The following BAALC variants were observed in gnomAD, a reference collection of about 807,000 sequenced individuals.
BAALC encodes BAALC binder of MAP3K1 and KLF4, also known as brain and acute leukemia cytoplasmic protein.
Under a neutral mutation model 15.5 loss-of-function variants are expected in BAALC, and 9 were observed. The ratio of observed to expected loss-of-function variants is 0.58; its 90% CI spans 0.35 to 1.02. The LOEUF (loss-of-function observed/expected upper bound fraction) is 1.02. Among genes scored for constraint, BAALC ranks in the 50% least tolerant of loss-of-function variants. BAALC has a pLI of 0.02. For synonymous variants in BAALC, 80 were observed against 74.6 expected, an observed-to-expected ratio of 1.07 and a Z score of -0.37; for missense variants, 201 against 192.4, an observed-to-expected ratio of 1.04 and a Z score of -0.27.
intron 1 of BAALC, among the ~76,000 whole-genome samples, chr8:103,197,167 A>G (rs1489003302): frequency 6.6e-6 from 1 of 152,252 alleles, no homozygotes; most frequent in Non-Finnish European, 1.5e-5. Flanking sequence ...CTGAAAAGGG[A>G]AAATATGATT....
intron 1 of BAALC, among the ~76,000 whole-genome samples, chr8:103,170,116 A>G (rs1178723922): frequency 1.3e-5 from 2 of 151,516 alleles, no homozygotes; most frequent in South Asian, 4.2e-4. Flanking sequence ...TCTTTTTCCT[A>G]TGAGTTTATG....
chr8:103,190,774 G>T (rs1210412032), intron 1 of BAALC, among the ~76,000 whole-genome samples: 1 of 152,172 alleles, frequency 6.6e-6, no homozygotes, highest in Non-Finnish European at 1.5e-5. Flanking sequence ...GCAGGGTGAA[G>T]ATGGCAGTTT....
intron 1 of BAALC, among the ~76,000 whole-genome samples, chr8:103,160,260 C>T (rs193184777): frequency 5.3e-4 from 80 of 152,282 alleles, no homozygotes; most frequent in African/African-American, 1.6e-3. Context: ...GGCTCAAAGG[C>T]CGCATTACAG....
chr8:103,181,165 G>C (rs1376209799), intron 1 of BAALC, among the ~76,000 whole-genome samples: 1 of 152,194 alleles, frequency 6.6e-6, no homozygotes, highest in Non-Finnish European at 1.5e-5. Flanking sequence ...GAGGTGAGTG[G>C]TTGTGCTCTG....
Position 103,141,014 on chromosome 8 carries a change from C to A in BAALC, c.117C>A (p.Ala39=), listed in dbSNP as rs1479136277. The A allele has an allele frequency of 1.3e-6, 2 of 1,521,906 alleles. No individual in the cohort carries two copies. The highest frequency in any genetic ancestry group is 1.8e-6 in the Non-Finnish European group (2 of 1,135,264). The allele number at this position is 1,521,906 out of a possible 1,614,324, so 94.3% of individuals were successfully genotyped here. A position where few individuals can be genotyped will look rare whatever the true frequency, so the allele number is the denominator to read the frequency against. Residue 39 remains alanine (A), a synonymous_variant, in exon 1 of 3, where the codon GCC becomes GCA. Transcript: ENST00000309982. ...CCGACTCGGACGCGCCGCCCAGCGCCGCCGCCCCGGACAGCGGCCCCGAAG... is the reference window on the plus strand; with the variant it reads ...CCGACTCGGACGCGCCGCCCAGCGCAGCCGCCCCGGACAGCGGCCCCGAAG... ...TYTDSDAPPS[A]AAPDSGPEAG...
chr8:103,180,201 A>G (rs1337188750), intron 1 of BAALC, among the ~76,000 whole-genome samples: 3 of 152,226 alleles, frequency 2.0e-5, no homozygotes, highest in Admixed American at 6.5e-5. Flanking sequence ...TCTGAGATGG[A>G]GAAATTAAGA....
At chr8:103,180,586 C>T (rs1023392082) in intron 1 of BAALC, among the ~76,000 whole-genome samples, 3 of 152,118 alleles carry the variant, frequency 2.0e-5, no homozygotes, top group Admixed American at 6.5e-5. Flanking sequence ...CCTCGTTCCT[C>T]GTGACTCACC....
chr8:103,206,142 T>C (rs1330308142), intron 1 of BAALC, among the ~76,000 whole-genome samples: 1 of 152,186 alleles, frequency 6.6e-6, no homozygotes. Context: ...TGTCCCTTGA[T>C]AGCCTCCATG....
intron 2 of BAALC, among the ~76,000 whole-genome samples, chr8:103,226,853 A>T (rs1195579330): frequency 6.6e-6 from 1 of 152,164 alleles, no homozygotes; most frequent in East Asian, 1.9e-4. Flanking sequence ...CTTATGAGAG[A>T]GATAATATTA....
chr8:103,154,438 A>T (rs1404206793), intron 1 of BAALC, among the ~76,000 whole-genome samples: 2 of 151,486 alleles, frequency 1.3e-5, no homozygotes, highest in Non-Finnish European at 2.9e-5. Context: ...ACCCCCAGTC[A>T]CTCCCACTCC....
At position 103,212,944 on chromosome 8, in the gene BAALC, C is replaced by T. The variant is rs760855709; in HGVS notation, c.186C>T (p.Ser62=). 1.2e-5 allele frequency: 20 copies of T among 1,613,696 alleles called. No homozygotes were observed. The highest frequency in any genetic ancestry group is 1.7e-5 in the Non-Finnish European group (20 of 1,179,794). Residue 62 remains serine (S), a synonymous_variant, in exon 2 of 3, where the codon TCC becomes TCT. Transcript: ENST00000309982. ...GCATGCTGGAAGATGGACTGCCCTC[C>T]AATGGTGTGCCCCGATCTACAGCCC... ...HSGMLEDGLP[S]NGVPRSTAPG...
intron 1 of BAALC, among the ~76,000 whole-genome samples, chr8:103,165,227 A>G (rs1286856346): frequency 6.6e-6 from 1 of 152,164 alleles, no homozygotes; most frequent in East Asian, 1.9e-4. Flanking sequence ...TCTGTGTTAC[A>G]TCATGATTTC....
chr8:103,203,673 TATATA>T (rs1009751812), intron 1 of BAALC, among the ~76,000 whole-genome samples: 27 of 152,352 alleles, frequency 1.8e-4, no homozygotes, highest in African/African-American at 6.0e-4. Flanking sequence ...TAAATGGAAT[TATATA>T]ATATGTGGCC....
At chr8:103,182,406 C>T (rs770362517) in intron 1 of BAALC, among the ~76,000 whole-genome samples, 5 of 152,188 alleles carry the variant, frequency 3.3e-5, no homozygotes, top group South Asian at 2.1e-4. Flanking sequence ...GACAGAAAGA[C>T]GTAACATGTG....
chr8:103,170,248 T>A (rs1586394547), intron 1 of BAALC, among the ~76,000 whole-genome samples: 1 of 149,936 alleles, frequency 6.7e-6, no homozygotes, highest in Admixed American at 6.6e-5. Context: ...TTTTTTTTTT[T>A]AAAGCCGCTT....
intron 1 of BAALC, among the ~76,000 whole-genome samples, chr8:103,185,432 A>G (rs1379555487): frequency 1.3e-5 from 2 of 152,168 alleles, no homozygotes; most frequent in Non-Finnish European, 2.9e-5. Flanking sequence ...TCCCTATAAT[A>G]GTTTGAAGTC....
chr8:103,222,282 A>G (rs1266594635), intron 2 of BAALC, among the ~76,000 whole-genome samples: 1 of 152,188 alleles, frequency 6.6e-6, no homozygotes, highest in Non-Finnish European at 1.5e-5. Flanking sequence ...GAAGGAAAAC[A>G]GAGGAAAAAG....
At chr8:103,188,386 A>C (rs1020230041) in intron 1 of BAALC, among the ~76,000 whole-genome samples, 1 of 152,044 alleles carries the variant, frequency 6.6e-6, no homozygotes, top group African/African-American at 2.4e-5. Context: ...ACGGACTCTG[A>C]CCCCGCACAG....
At chr8:103,197,185 G>T (rs1017982023) in intron 1 of BAALC, among the ~76,000 whole-genome samples, 18 of 152,194 alleles carry the variant, frequency 1.2e-4, no homozygotes, top group African/African-American at 4.1e-4. Flanking sequence ...ATTCATTGTA[G>T]ATTTTTTTGT....
Sources: allele counts gnomAD v4.1 joint callset (sites outside exome capture counted in the v4.1 genomes callset), GRCh38; gene constraint gnomAD v4.1.1; transcripts MANE v1.5; gene names NCBI Gene and HGNC (gene_info 2026-07-23, HGNC 2026-07-21).